Variants in ATOH8 observed in about 807,000 individuals in gnomAD.
The protein encoded by ATOH8 is atonal bHLH transcription factor 8, also known as transcription factor ATOH8.
ATOH8 carries 9 observed loss-of-function variants against 21.2 expected under a neutral mutation model. The observed-to-expected ratio is 0.42, with a 90% confidence interval of 0.26 to 0.74. The LOEUF is 0.74. ATOH8 is among the 30% of genes least tolerant of loss of function. The pLI is 0.24. For missense variants in ATOH8, 524 were observed against 470.9 expected (o/e 1.11, Z -1.04); for synonymous variants, 253 against 224.0 (o/e 1.13, Z -1.16).
intron 2 of ATOH8, chr2:85,780,847 G>GC (rs1680464154): frequency 8.1e-6 from 8 of 981,770 alleles, no homozygotes; most frequent in Non-Finnish European, 9.7e-6. Context: ...CCATGTTCCC[G>GC]CCCCCCGCAA....
chr2:85,760,676 A>G (rs964747235), intron 1 of ATOH8: 2 of 152,258 alleles, frequency 1.3e-5, no homozygotes, highest in Non-Finnish European at 2.9e-5. Flanking sequence ...GAATACAGAC[A>G]TTGTATTTGA....
intron 2 of ATOH8, among the ~76,000 whole-genome samples, chr2:85,783,019 G>T (rs1680536734): frequency 6.6e-6 from 1 of 152,216 alleles, no homozygotes; most frequent in South Asian, 2.1e-4. Flanking sequence ...CTGTGTGTTA[G>T]ATACTGTTTT....
chr2:85,763,184 G>T (rs911902831), intron 1 of ATOH8, among the ~76,000 whole-genome samples: 23 of 152,162 alleles, frequency 1.5e-4, no homozygotes, highest in African/African-American at 5.3e-4. Context: ...ACAGAACTCT[G>T]TTCAAGTGTA....
intron 2 of ATOH8, among the ~76,000 whole-genome samples, chr2:85,784,144 C>G (rs1680567402): frequency 6.6e-6 from 1 of 152,168 alleles, no homozygotes; most frequent in Non-Finnish European, 1.5e-5. Flanking sequence ...GAGACCTTCC[C>G]CCTGGTCTCT....
At chr2:85,763,529 G>A (rs972041029) in intron 1 of ATOH8, among the ~76,000 whole-genome samples, 2 of 152,130 alleles carry the variant, frequency 1.3e-5, no homozygotes, top group Non-Finnish European at 2.9e-5. Flanking sequence ...AACCTCACTC[G>A]AGTGTAAGTT....
chr2:85,763,813 T>G (rs1214395204), intron 1 of ATOH8, among the ~76,000 whole-genome samples, 178 bp from the exon 2 acceptor site: 3 of 135,420 alleles, frequency 2.2e-5, no homozygotes, highest in African/African-American at 5.5e-5. Flanking sequence ...TCAGAGCAGA[T>G]GAGCTGACGT....
Position 85,790,101 on chromosome 2 carries a change from G to A in ATOH8, c.*3211G>A, listed in dbSNP as rs890014767. On this transcript the variant is annotated 3_prime_UTR_variant, in exon 3 of 3. Coordinates refer to ENST00000306279, the MANE Select transcript of ATOH8 (RefSeq NM_032827.7). ...AGACCCTCAGCAAAATATAAATGAC[G>A]AGGAGCTGCCCTCATGGGGCCCTGT... Among the ~76,000 whole-genome samples the A allele has an allele frequency of 2.6e-5, 4 of 152,200 alleles. No individual in the cohort carries two copies. The highest frequency in any genetic ancestry group is 4.4e-5 in the Non-Finnish European group (3 of 68,040).
intron 1 of ATOH8, among the ~76,000 whole-genome samples, chr2:85,759,905 G>A (rs1679814473): frequency 1.3e-5 from 2 of 152,188 alleles, no homozygotes; most frequent in Middle Eastern, 3.4e-3. Context: ...GTGGGTTCTC[G>A]GAGTTGTTTC....
At chr2:85,760,696 C>T (rs1195541608) in intron 1 of ATOH8, 2 of 152,234 alleles carry the variant, frequency 1.3e-5, no homozygotes, top group Non-Finnish European at 2.9e-5. Context: ...AAACATCCAC[C>T]CTCTGCCTGG....
In ATOH8 at chr2:85,785,603, G is replaced by C. The variant is rs1469538176; in HGVS notation, c.961-1282G>C. On this transcript the variant is annotated intron_variant, in intron 2 of 2. Coordinates refer to ENST00000306279, the MANE Select transcript of ATOH8 (RefSeq NM_032827.7). This position sits in a 1 kb window ranked among gnomAD's most constrained non-coding sequence, Gnocchi z 4.1. ...TGGTTAGCAGGCCCTCCACGTCGTGGTTTGGCTCCATCCTGGCTCCCCAAG... is the reference window on the plus strand; with the variant it reads ...TGGTTAGCAGGCCCTCCACGTCGTGCTTTGGCTCCATCCTGGCTCCCCAAG... Among the ~76,000 whole-genome samples, 2 of 152,170 alleles carry C rather than the reference G, an allele frequency of 1.3e-5. No individual in the cohort carries two copies. The highest frequency in any genetic ancestry group is 2.9e-5 in the Non-Finnish European group (2 of 68,038).
chr2:85,776,727 A>G (rs894241988), intron 2 of ATOH8, among the ~76,000 whole-genome samples: 1 of 152,170 alleles, frequency 6.6e-6, no homozygotes, highest in Non-Finnish European at 1.5e-5. Context: ...CACAGGGCCC[A>G]GGAGCCATTA....
chr2:85,771,701 T>C (rs564981695), intron 2 of ATOH8, among the ~76,000 whole-genome samples: 50 of 152,300 alleles, frequency 3.3e-4, no homozygotes, highest in African/African-American at 1.1e-3. Flanking sequence ...CATGTGGTCA[T>C]ATAATAATGC....
At chr2:85,755,151 A>G (rs1432989728) in intron 1 of ATOH8, among the ~76,000 whole-genome samples, 194 bp downstream of exon 1, 1 of 152,180 alleles carries the variant, frequency 6.6e-6, no homozygotes, top group Non-Finnish European at 1.5e-5. Context: ...AGAGTTGGTT[A>G]TCTCTGGCCC....
At chr2:85,772,375 C>T (rs1160906881) in intron 2 of ATOH8, among the ~76,000 whole-genome samples, 3 of 152,222 alleles carry the variant, frequency 2.0e-5, no homozygotes, top group Admixed American at 1.3e-4. Context: ...ATGGGAGCTC[C>T]GCTGGAACAG....
At position 85,754,091 on chromosome 2, in the gene ATOH8, G is replaced by T. The variant is rs1163376991; in HGVS notation, c.-99G>T. Reference sequence around the variant, plus strand: ...AGGGGGAGAAAGGGAGAGAGGGAGGGGGAGGGCGGGCGAAGCGGGAGAGCC... The same window carrying T: ...AGGGGGAGAAAGGGAGAGAGGGAGGTGGAGGGCGGGCGAAGCGGGAGAGCC... On this transcript the variant is annotated 5_prime_UTR_variant, in exon 1 of 3. Coordinates refer to ENST00000306279, the MANE Select transcript of ATOH8 (RefSeq NM_032827.7). The T allele has an allele frequency of 6.8e-6, 9 of 1,327,892 alleles. No homozygotes were observed. Among genetic ancestry groups the T allele is most frequent in the Admixed American group, 3.9e-5 (1 of 25,370 alleles). The allele number at this position is 1,327,892 out of a possible 1,614,324, so 82.3% of individuals were successfully genotyped here.
At chr2:85,767,243 C>T (rs535916229) in intron 2 of ATOH8, among the ~76,000 whole-genome samples, 444 of 152,232 alleles carry the variant, frequency 2.9e-3, no homozygotes, top group African/African-American at 0.01. Context: ...AATATTCTTT[C>T]CTCATGTCTA....
In ATOH8 at chr2:85,790,260, G is replaced by C. The variant is rs1680734093; in HGVS notation, c.*3370G>C. 6.6e-6 allele frequency among the ~76,000 whole-genome samples: 1 copy of C among 152,166 alleles called. No individual in the cohort carries two copies. The highest frequency in any genetic ancestry group is 1.5e-5 in the Non-Finnish European group (1 of 68,026). ...TAAAGGGATGAGGGGGCCCTCTCCA[G>C]GGACCCGCAAGATCTTCCTGGGTAT... On this transcript the variant is annotated 3_prime_UTR_variant, in exon 3 of 3. Coordinates refer to ENST00000306279, the MANE Select transcript of ATOH8 (RefSeq NM_032827.7).
At chr2:85,759,982 T>C (rs1280956405) in intron 1 of ATOH8, among the ~76,000 whole-genome samples, 1 of 152,096 alleles carries the variant, frequency 6.6e-6, no homozygotes, top group Non-Finnish European at 1.5e-5. Context: ...CTAATGCCCA[T>C]TTTACTGGTG....
At chr2:85,778,886 GC>G (rs1232310329) in intron 2 of ATOH8, among the ~76,000 whole-genome samples, 2 of 151,744 alleles carry the variant, frequency 1.3e-5, no homozygotes, top group Admixed American at 1.3e-4. Context: ...CAGGTGAAGA[GC>G]AGAGCCTTTC....
Sources: gnomAD v4.1 joint callset for allele counts (sites outside exome capture counted in the v4.1 genomes callset) on GRCh38, gnomAD v4.1.1 for gene constraint, Gnocchi (gnomAD v3.1) non-coding constraint, MANE v1.5 for transcripts, NCBI Gene and HGNC (gene_info 2026-07-23, HGNC 2026-07-21) for gene names.